The following TPST1 variants were observed in gnomAD, a reference collection of about 807,000 sequenced individuals.
TPST1 encodes tyrosylprotein sulfotransferase 1, also known as protein-tyrosine sulfotransferase 1.
TPST1 carries 20 observed loss-of-function variants against 34.8 expected under a neutral mutation model. That is an observed-to-expected ratio of 0.57 (90% CI 0.40 to 0.84). The LOEUF is 0.84. TPST1 is among the 40% of genes least tolerant of loss of function. TPST1 has a pLI of 0.00. For missense variants in TPST1, 353 were observed against 455.5 expected (o/e 0.78, Z 2.05); for synonymous variants, 152 against 159.4 (o/e 0.95, Z 0.35).
chr7:66,317,009 C>A (rs1298503739), intron 3 of TPST1, among the ~76,000 whole-genome samples: 2 of 152,114 alleles, frequency 1.3e-5, no homozygotes, highest in African/African-American at 4.8e-5. Context: ...ATCTGTACAG[C>A]AAACCCCCAT....
chr7:66,253,905 C>T (rs1037524790), intron 2 of TPST1, among the ~76,000 whole-genome samples: 7 of 148,412 alleles, frequency 4.7e-5, no homozygotes, highest in African/African-American at 1.5e-4. Context: ...GGCATGGTAG[C>T]GGGCACCTTT....
chr7:66,255,094 C>T lies in TPST1; in HGVS notation c.845+13824C>T, dbSNP rs186238867. Among the ~76,000 whole-genome samples the T allele has an allele frequency of 4.6e-3, 652 of 141,276 alleles. 7 individuals carry two copies. The highest frequency in any genetic ancestry group is 0.015 in the African/African-American group (559 of 37,560). The allele number at this position is 141,276 out of a possible 152,430, so 92.7% of individuals were successfully genotyped here. On this transcript the variant is annotated intron_variant, in intron 2 of 5. Transcript: ENST00000304842. ...CCCAGGAGGCGGAGCTTGCAGTGAG[C>T]GGAGATCATGCCATGCACTCCAGCC...
At chr7:66,263,245 A>G (rs190393783) in intron 2 of TPST1, among the ~76,000 whole-genome samples, 119 of 152,348 alleles carry the variant, frequency 7.8e-4, no homozygotes, top group Admixed American at 2.7e-3. Flanking sequence ...TGAGGACATA[A>G]CACTTGAACA....
intron 2 of TPST1, among the ~76,000 whole-genome samples, chr7:66,273,858 A>G (rs981071726): frequency 6.6e-6 from 1 of 151,980 alleles, no homozygotes; most frequent in Admixed American, 6.6e-5. Flanking sequence ...GCTGGAGTGC[A>G]GTGGTGTGAT....
chr7:66,227,585 A>G (rs1413697248), intron 1 of TPST1, among the ~76,000 whole-genome samples: 2 of 151,668 alleles, frequency 1.3e-5, no homozygotes, highest in African/African-American at 4.8e-5. Flanking sequence ...ACCCCTCTGG[A>G]TGCCGAGTTG....
At chr7:66,219,118 G>A (rs1018449999) in intron 1 of TPST1, among the ~76,000 whole-genome samples, 1 of 143,568 alleles carries the variant, frequency 7.0e-6, no homozygotes, top group Non-Finnish European at 1.5e-5. Context: ...TGCTGGTCTC[G>A]AACTCCTGAC....
At chr7:66,264,895 TAAACA>T (rs928845652) in intron 2 of TPST1, among the ~76,000 whole-genome samples, 55 of 152,116 alleles carry the variant, frequency 3.6e-4, no homozygotes, top group African/African-American at 1.2e-3. Context: ...AACCATATCT[TAAACA>T]AAACAAAACA....
chr7:66,262,023 A>G (rs940790828), intron 2 of TPST1, among the ~76,000 whole-genome samples: 1 of 152,104 alleles, frequency 6.6e-6, no homozygotes. Flanking sequence ...AGATGAGGTG[A>G]CTGTGTGGTC....
intron 1 of TPST1, among the ~76,000 whole-genome samples, chr7:66,226,251 G>A (rs1789654416): frequency 6.6e-6 from 1 of 152,110 alleles, no homozygotes; most frequent in South Asian, 2.1e-4. Flanking sequence ...GTATGCTCTG[G>A]TAGAGGATGG....
intron 2 of TPST1, among the ~76,000 whole-genome samples, chr7:66,252,113 A>G (rs566835164): frequency 2.0e-5 from 3 of 152,068 alleles, no homozygotes; most frequent in Admixed American, 6.5e-5. Context: ...GCTAGAGTGC[A>G]GTGGTGCGAT....
At chr7:66,344,027 TG>T (rs1792292721) in intron 3 of TPST1, among the ~76,000 whole-genome samples, 1 of 152,134 alleles carries the variant, frequency 6.6e-6, no homozygotes, top group Admixed American at 6.5e-5. Flanking sequence ...ATAGATAACC[TG>T]GGAAAGATTC....
At chr7:66,337,707 T>A (rs1377637913) in intron 3 of TPST1, among the ~76,000 whole-genome samples, 1 of 152,194 alleles carries the variant, frequency 6.6e-6, no homozygotes, top group Non-Finnish European at 1.5e-5. Context: ...AAAGTCAAAA[T>A]GGCAATGGCG....
intron 1 of TPST1, among the ~76,000 whole-genome samples, chr7:66,235,183 G>A (rs781765450): frequency 2.2e-4 from 30 of 134,998 alleles, no homozygotes; most frequent in Non-Finnish European, 3.9e-4. Context: ...GTTCTGCATA[G>A]ATTTTTTTTT....
At chr7:66,203,064 G>T (rs921955376), upstream of TPST1, among the ~76,000 whole-genome samples, 54 of 151,962 alleles carry the variant, frequency 3.6e-4, no homozygotes, top group African/African-American at 1.3e-3. Context: ...TGGGCAACAA[G>T]AGCGAAACTC....
In TPST1 at chr7:66,272,517, A is replaced by G. The variant is rs139534387; in HGVS notation, c.846-13994A>G. On this transcript the variant is annotated intron_variant, in intron 2 of 5. Coordinates refer to ENST00000304842, the MANE Select transcript of TPST1 (RefSeq NM_003596.4). ...TAAGCCCACAGCTGACATCATCCTCAGTGGTGAAAAGTTGAAAGCTTTTCC... is the reference window on the plus strand; with the variant it reads ...TAAGCCCACAGCTGACATCATCCTCGGTGGTGAAAAGTTGAAAGCTTTTCC... 4.6e-5 allele frequency among the ~76,000 whole-genome samples: 7 copies of G among 152,218 alleles called. No homozygotes were observed. The East Asian group carries it at 1.3e-3, about 29-fold the overall frequency.
At chr7:66,334,635 CA>C (rs60341796) in intron 3 of TPST1, among the ~76,000 whole-genome samples, 116 of 112,736 alleles carry the variant, frequency 1.0e-3, no homozygotes, top group East Asian at 1.8e-3. Flanking sequence ...GACTCCATCT[CA>C]AAAAAAAAAA....
At chr7:66,273,472 A>G (rs573132854) in intron 2 of TPST1, among the ~76,000 whole-genome samples, 2 of 152,328 alleles carry the variant, frequency 1.3e-5, no homozygotes, top group Admixed American at 6.5e-5. Context: ...AGTCAAAGCA[A>G]TCTTGATAGA....
chr7:66,328,070 A>G (rs552238188), intron 3 of TPST1, among the ~76,000 whole-genome samples: 2 of 114,838 alleles, frequency 1.7e-5, no homozygotes, highest in Non-Finnish European at 3.3e-5. Context: ...TACCCAGACC[A>G]GGCTGGAGTG....
chr7:66,359,844 G>A, intron 5 of TPST1, 51 bp from the exon 6 acceptor site: 1 of 456,140 alleles, frequency 2.2e-6, no homozygotes, highest in Non-Finnish European at 4.4e-6. Context: ...GACACAGGGA[G>A]AACACACCGG....
Sources: allele counts gnomAD v4.1 joint callset (sites outside exome capture counted in the v4.1 genomes callset), GRCh38; gene constraint gnomAD v4.1.1; transcripts MANE v1.5; gene names NCBI Gene and HGNC (gene_info 2026-07-23, HGNC 2026-07-21).